The following IRAG2 variants were observed in gnomAD, a reference collection of about 807,000 sequenced individuals.
The protein encoded by IRAG2 is lymphoid restricted membrane protein.
IRAG2 carries 45 observed loss-of-function variants against 69.9 expected under a neutral mutation model. That is an observed-to-expected ratio of 0.64 (90% CI 0.51 to 0.83). IRAG2 has a LOEUF of 0.83. Among genes scored for constraint, IRAG2 ranks in the 40% least tolerant of loss-of-function variants. The probability of loss-of-function intolerance (pLI) is 0.00; values close to 1 mark genes in which losing one functional copy is unlikely to be tolerated. For synonymous variants in IRAG2, 193 were observed against 202.4 expected (o/e 0.95, Z 0.40); for missense variants, 520 against 587.0 (o/e 0.89, Z 1.18).
chr12:25,035,237 G>T (rs1326869139), intron 13 of IRAG2, among the ~76,000 whole-genome samples: 3 of 152,140 alleles, frequency 2.0e-5, no homozygotes, highest in Admixed American at 6.5e-5. Context: ...AGAAGTATAG[G>T]GAATGTACTT....
intron 6 of IRAG2, among the ~76,000 whole-genome samples, chr12:25,074,481 C>T (rs10842459): frequency 6.6e-6 from 1 of 152,086 alleles, no homozygotes; most frequent in Non-Finnish European, 1.5e-5. Context: ...GTTGGTTTCA[C>T]GACTCATGTC....
intron 20 of IRAG2, among the ~76,000 whole-genome samples, chr12:25,105,978 GGT>G (rs1484937786): frequency 2.0e-5 from 3 of 152,108 alleles, no homozygotes; most frequent in African/African-American, 7.2e-5. Context: ...GTTTTGCTTA[GGT>G]GGAAGAACAC....
At chr12:25,011,299 G>A (rs1165038059) in intron 2 of IRAG2, 6 of 1,168,550 alleles carry the variant, frequency 5.1e-6, no homozygotes, top group Non-Finnish European at 5.4e-6. Flanking sequence ...ACATTAAAGA[G>A]ATAGGTGCTT....
rs1346027680 is a variant in IRAG2 at position 25,045,851 on chromosome 12, A to C, written c.2145-6384A>C. Among the ~76,000 whole-genome samples the C allele has an allele frequency of 0.011, 20 of 1,772 alleles. 1 individual carries two copies. The East Asian group carries it at 0.4, about 35-fold the overall frequency. The allele number at this position is 1,772 out of a possible 152,430, so 1.2% of individuals were successfully genotyped here. A position where few individuals can be genotyped will look rare whatever the true frequency, so the allele number is the denominator to read the frequency against. On this transcript the variant is annotated intron_variant, in intron 16 of 38. Transcript: ENST00000636465. ...AAATTCTTTACCAAATAAAAGATAA[A>C]AAAAAAAAAAAAAAAAGGAAAGGAA...
chr12:25,090,489 G>T (rs1380862929), intron 14 of IRAG2, among the ~76,000 whole-genome samples: 2 of 152,106 alleles, frequency 1.3e-5, no homozygotes, highest in African/African-American at 4.8e-5. Flanking sequence ...AGATTGCAGG[G>T]AGCTATAATC....
At chr12:25,012,309 C>G (rs543898116) in intron 3 of IRAG2, among the ~76,000 whole-genome samples, 1 of 151,832 alleles carries the variant, frequency 6.6e-6, no homozygotes, top group South Asian at 2.1e-4. Flanking sequence ...TGTGTGCCAC[C>G]ATGCCCGGCT....
chr12:25,103,627 T>C (rs1948875751), intron 17 of IRAG2: 1 of 525,978 alleles, frequency 1.9e-6, no homozygotes, highest in African/African-American at 1.9e-5. Flanking sequence ...GCATAAATTA[T>C]AATAATCCAA....
chr12:25,004,385 T>C (rs1944415071), exon 1 of IRAG2: 1 of 1,232,118 alleles, frequency 8.1e-7, no homozygotes, highest in African/African-American at 1.5e-5. Flanking sequence ...CATAACCCAG[T>C]GGAAAGCATC....
upstream of IRAG2, among the ~76,000 whole-genome samples, chr12:25,002,683 C>T (rs1944400903): frequency 6.6e-6 from 1 of 151,186 alleles, no homozygotes; most frequent in Non-Finnish European, 1.5e-5. Context: ...GCTCTGTCCC[C>T]CCGGCTAGAG....
At chr12:25,069,004 A>G (rs951245457) in intron 5 of IRAG2, among the ~76,000 whole-genome samples, 2 of 152,214 alleles carry the variant, frequency 1.3e-5, no homozygotes, top group African/African-American at 4.8e-5. Context: ...CTTTTTAAGT[A>G]TACAGACTCA....
At chr12:25,017,114 A>T in intron 5 of IRAG2, 1 of 1,231,302 alleles carries the variant, frequency 8.1e-7, no homozygotes, top group Non-Finnish European at 1.0e-6. Context: ...GGTTATTCTC[A>T]TCTATTCTTT....
At chr12:25,076,510 T>G in intron 6 of IRAG2, 2 of 984,236 alleles carry the variant, frequency 2.0e-6, no homozygotes, top group Non-Finnish European at 2.4e-6. Context: ...TAATTAGACC[T>G]TTTTTTGAAA....
intron 2 of IRAG2, among the ~76,000 whole-genome samples, chr12:25,010,787 TAAAAG>T (rs1944468176): frequency 6.6e-6 from 1 of 152,054 alleles, no homozygotes; most frequent in East Asian, 1.9e-4. Flanking sequence ...TTGATGGGAG[TAAAAG>T]AAAAGTCTTA....
chr12:25,017,271 A>T (rs1944537902), exon 6 of IRAG2: 1 of 1,232,180 alleles, frequency 8.1e-7, no homozygotes, highest in African/African-American at 1.5e-5. Context: ...GACTGTACCG[A>T]ATTGCGCCTT....
rs977887670 is a variant in IRAG2 at position 25,004,587 on chromosome 12, C to T, written c.246C>T (p.Val82=). ...CTCATTGGTCAAGTTCTGAGGAAGT[C>T]GATGCCTTCATTTCATCGCCTCAAA... Residue 82 remains valine, a synonymous_variant, in exon 1 of 39, where the codon GTC becomes GTT. Transcript: ENST00000636465. 1.1e-5 allele frequency: 13 copies of T among 1,231,948 alleles called. No homozygotes were observed. In the South Asian group the frequency reaches 2.9e-4, roughly 27 times the overall value. The allele number at this position is 1,231,948 out of a possible 1,614,324, so 76.3% of individuals were successfully genotyped here. A position where few individuals can be genotyped will look rare whatever the true frequency, so the allele number is the denominator to read the frequency against.
intron 17 of IRAG2, 72 bp from the exon 18 acceptor site, chr12:25,103,765 T>C: frequency 9.4e-7 from 1 of 1,069,484 alleles, no homozygotes; most frequent in Non-Finnish European, 1.4e-6. Flanking sequence ...TGTACAAGGA[T>C]ATTTATTGGT....
chr12:25,044,394 A>C (rs769775701), intron 16 of IRAG2, among the ~76,000 whole-genome samples: 1 of 152,110 alleles, frequency 6.6e-6, no homozygotes, highest in Admixed American at 6.5e-5. Flanking sequence ...AAAAATAATA[A>C]AATGGCAGTA....
At chr12:25,060,141 G>A (rs1945524350) in intron 1 of IRAG2, among the ~76,000 whole-genome samples, 1 of 152,162 alleles carries the variant, frequency 6.6e-6, no homozygotes, top group Non-Finnish European at 1.5e-5. Context: ...TGAGAAGGCA[G>A]TCAAACTGGT....
At chr12:25,080,569 GT>G (rs1947135906) in intron 9 of IRAG2, among the ~76,000 whole-genome samples, 1 of 152,020 alleles carries the variant, frequency 6.6e-6, no homozygotes, top group Admixed American at 6.6e-5. Flanking sequence ...AGCCAGGATG[GT>G]CTCGATCTCC....
Sources: allele counts gnomAD v4.1 joint callset (sites outside exome capture counted in the v4.1 genomes callset), GRCh38; gene constraint gnomAD v4.1.1; transcripts MANE v1.5; gene names NCBI Gene and HGNC (gene_info 2026-07-23, HGNC 2026-07-21).